The following DLGAP1 variants were observed in gnomAD, a reference collection of about 807,000 sequenced individuals.
DLGAP1 encodes the protein disks large-associated protein 1.
In DLGAP1, 11 loss-of-function variants were observed where a neutral mutation model predicts 90.8. The observed-to-expected ratio is 0.12, with a 90% CI of 0.08 to 0.20. The LOEUF is 0.20. Among genes scored for constraint, DLGAP1 ranks in the 10% least tolerant of loss-of-function variants. The pLI is 1.00. For missense variants in DLGAP1, 1,050 were observed against 1,333.8 expected (o/e 0.79, Z 3.31); for synonymous variants, 558 against 540.7 (o/e 1.03, Z -0.44).
chr18:4,232,784 G>T (rs547831834), intron 1 of DLGAP1, among the ~76,000 whole-genome samples: 56 of 152,218 alleles, frequency 3.7e-4, no homozygotes, highest in Non-Finnish European at 6.0e-4. Context: ...GGACCTCACC[G>T]CATGAAAGCT....
intron 5 of DLGAP1, chr18:3,771,413 CG>C (rs1347987358): frequency 3.3e-5 from 5 of 152,282 alleles, no homozygotes; most frequent in Non-Finnish European, 5.9e-5. Context: ...GGGACGACGG[CG>C]TAGGTCCAGG....
intron 2 of DLGAP1, among the ~76,000 whole-genome samples, chr18:4,102,713 T>C (rs1366011621): frequency 6.6e-6 from 1 of 152,232 alleles, no homozygotes; most frequent in Non-Finnish European, 1.5e-5. Flanking sequence ...AATTAGGTTT[T>C]CTGTTACTTA....
Position 3,534,617 on chromosome 18 carries a change from T to C in DLGAP1, c.2058-2A>G. ...TTGGATCGAGTGAACCTGCGGAAGC[T>C]TGGGAGAATAGAAAAAAGAAATTTA... On this transcript the variant is annotated splice_acceptor_variant, in intron 9 of 12. Coordinates refer to ENST00000315677, the MANE Select transcript of DLGAP1 (RefSeq NM_004746.4). LOFTEE classifies it high-confidence loss of function. 1 of 1,538,090 alleles carries C rather than the reference T, an allele frequency of 6.5e-7. No homozygotes were observed. Among genetic ancestry groups the C allele is most frequent in the Non-Finnish European group, 8.7e-7 (1 of 1,144,336 alleles).
At chr18:3,860,242 C>G (rs544669286) in intron 4 of DLGAP1, among the ~76,000 whole-genome samples, 63 of 152,266 alleles carry the variant, frequency 4.1e-4, no homozygotes, top group African/African-American at 1.4e-3. Context: ...TAATCTCTAA[C>G]AGTAACTTTT....
intron 5 of DLGAP1, among the ~76,000 whole-genome samples, chr18:3,766,465 A>C (rs779571951): frequency 1.1e-4 from 17 of 152,232 alleles, no homozygotes; most frequent in Non-Finnish European, 2.1e-4. Context: ...CAACTCCATA[A>C]ACCAATAGAC....
chr18:4,398,502 C>T (rs2082484588), intron 1 of DLGAP1, among the ~76,000 whole-genome samples: 1 of 152,154 alleles, frequency 6.6e-6, no homozygotes, highest in Non-Finnish European at 1.5e-5. Context: ...AATTGTTTAC[C>T]AACTCTCAGT....
At position 3,595,531 on chromosome 18, in the gene DLGAP1, G is replaced by A. The variant is rs1485317879; in HGVS notation, c.1592-13283C>T. Among the ~76,000 whole-genome samples, 5 of 152,162 alleles carry A rather than the reference G, an allele frequency of 3.3e-5. No individual in the cohort carries two copies. The East Asian group carries it at 9.6e-4, about 29-fold the overall frequency. ...AAAAAAGGAAGTAGACAGACATTTG[G>A]CTAGTATGTGCCTGGACCACTTAAC... On this transcript the variant is annotated intron_variant, in intron 7 of 12. Coordinates refer to ENST00000315677, the MANE Select transcript of DLGAP1 (RefSeq NM_004746.4).
chr18:3,669,021 G>C (rs1275420945), intron 7 of DLGAP1, among the ~76,000 whole-genome samples: 1 of 151,600 alleles, frequency 6.6e-6, no homozygotes. Flanking sequence ...GCAATAGAAT[G>C]ATCTACATAA....
At chr18:3,666,725 A>C (rs1225190788) in intron 7 of DLGAP1, among the ~76,000 whole-genome samples, 1 of 152,180 alleles carries the variant, frequency 6.6e-6, no homozygotes, top group African/African-American at 2.4e-5. Flanking sequence ...TCAGATTCTA[A>C]TCTGTCAATT....
intron 1 of DLGAP1, among the ~76,000 whole-genome samples, chr18:4,394,965 T>G (rs906168586): frequency 6.6e-6 from 1 of 152,206 alleles, no homozygotes; most frequent in Non-Finnish European, 1.5e-5. Flanking sequence ...TGAAAGTTAG[T>G]AGTTACCCAG....
chr18:4,367,004 C>CAAAAAAAAA (rs67286288), intron 1 of DLGAP1, among the ~76,000 whole-genome samples: 2 of 60,734 alleles, frequency 3.3e-5, no homozygotes, highest in Non-Finnish European at 6.0e-5. Context: ...CTGTCAATGG[C>CAAAAAAAAA]AAAAAAAAAA....
intron 2 of DLGAP1, among the ~76,000 whole-genome samples, chr18:4,011,006 T>C (rs1215720213): frequency 1.3e-5 from 2 of 151,826 alleles, no homozygotes; most frequent in African/African-American, 4.8e-5. Context: ...TGAAATCCCG[T>C]CTCTACTAAA....
At chr18:4,171,232 T>C (rs2077019375) in intron 1 of DLGAP1, among the ~76,000 whole-genome samples, 1 of 152,086 alleles carries the variant, frequency 6.6e-6, no homozygotes, top group East Asian at 1.9e-4. Context: ...GCCTCTTTAA[T>C]TGTTAAAGAT....
intron 3 of DLGAP1, among the ~76,000 whole-genome samples, chr18:3,963,435 C>T (rs2073248569): frequency 6.6e-6 from 1 of 152,320 alleles, no homozygotes; most frequent in Middle Eastern, 3.4e-3. Flanking sequence ...CCAGGCTACC[C>T]TGCTCTTCCA....
At chr18:4,077,318 A>G (rs540307699) in intron 2 of DLGAP1, among the ~76,000 whole-genome samples, 1 of 152,286 alleles carries the variant, frequency 6.6e-6, no homozygotes, top group Admixed American at 6.5e-5. Flanking sequence ...CTAAATCTTG[A>G]AGTGATACTA....
At chr18:4,283,353 T>A (rs144603504) in intron 1 of DLGAP1, among the ~76,000 whole-genome samples, 1 of 152,348 alleles carries the variant, frequency 6.6e-6, no homozygotes, top group African/African-American at 2.4e-5. Flanking sequence ...TAGAGAAATA[T>A]TTGTCTTTGA....
At chr18:3,849,357 G>A (rs1356248599) in intron 4 of DLGAP1, among the ~76,000 whole-genome samples, 1 of 152,014 alleles carries the variant, frequency 6.6e-6, no homozygotes, top group Non-Finnish European at 1.5e-5. Context: ...AATTCACTGT[G>A]GAGAGAACTG....
At chr18:3,875,066 T>C (rs953481994) in intron 4 of DLGAP1, among the ~76,000 whole-genome samples, 1 of 152,224 alleles carries the variant, frequency 6.6e-6, no homozygotes, top group Non-Finnish European at 1.5e-5. Context: ...GTATTTAGAC[T>C]TTATTATTGG....
At chr18:4,135,790 C>CTTTTTTTTTTT (rs58513784) in intron 2 of DLGAP1, among the ~76,000 whole-genome samples, 4 of 127,314 alleles carry the variant, frequency 3.1e-5, no homozygotes, top group African/African-American at 9.1e-5. Flanking sequence ...GAATCTGATT[C>CTTTTTTTTTTT]TTTTTTTTTT....
Sources: allele counts gnomAD v4.1 joint callset (sites outside exome capture counted in the v4.1 genomes callset), GRCh38; gene constraint gnomAD v4.1.1; transcripts MANE v1.5; gene names NCBI Gene and HGNC (gene_info 2026-07-23, HGNC 2026-07-21).